Variants in ALK observed in about 807,000 individuals in gnomAD.
The protein encoded by ALK is ALK receptor tyrosine kinase.
Under a neutral mutation model 163.1 loss-of-function variants are expected in ALK, and 74 were observed. That is an observed-to-expected ratio of 0.45 (90% CI 0.38 to 0.55). The LOEUF is 0.55. Ranked by LOEUF, ALK falls within the 20% of genes least tolerant of loss-of-function variation. The pLI is 0.00. For synonymous variants in ALK, 960 were observed against 843.2 expected (o/e 1.14, Z -2.40); for missense variants, 2,063 against 2,105.3 (o/e 0.98, Z 0.39).
At chr2:29,888,562 C>T (rs879480108) in intron 1 of ALK, among the ~76,000 whole-genome samples, 7 of 152,170 alleles carry the variant, frequency 4.6e-5, no homozygotes, top group African/African-American at 9.6e-5. Context: ...CTTCCGAACT[C>T]AGAGGCACAT....
intron 1 of ALK, among the ~76,000 whole-genome samples, chr2:29,732,427 T>C (rs1429040059): frequency 6.6e-6 from 1 of 152,192 alleles, no homozygotes; most frequent in Non-Finnish European, 1.5e-5. Flanking sequence ...GTTCCAGCCA[T>C]GGCTTCCTCA....
intron 3 of ALK, among the ~76,000 whole-genome samples, chr2:29,595,078 T>C (rs1326471183): frequency 6.6e-6 from 1 of 152,052 alleles, no homozygotes; most frequent in African/African-American, 2.4e-5. Context: ...AAATCAATCC[T>C]CCTCCCAGAT....
chr2:29,452,734 C>T (rs758522361), intron 4 of ALK, among the ~76,000 whole-genome samples: 13 of 152,264 alleles, frequency 8.5e-5, no homozygotes, highest in Admixed American at 4.6e-4. Flanking sequence ...GTGTAACCGA[C>T]GACTAACATC....
chr2:29,657,371 C>T (rs904326538), intron 3 of ALK, among the ~76,000 whole-genome samples: 4 of 152,124 alleles, frequency 2.6e-5, no homozygotes, highest in African/African-American at 4.8e-5. Flanking sequence ...TGAACCTCCA[C>T]GAGCTCATCT....
rs769685640 is a variant in ALK at position 29,889,515 on chromosome 2, G to GGATAGATA, written c.667+30470_667+30477dup. 2.1e-3 allele frequency among the ~76,000 whole-genome samples: 323 copies of GGATAGATA among 151,710 alleles called. 2 individuals are homozygous for GGATAGATA. Among genetic ancestry groups the GGATAGATA allele is most frequent in the African/African-American group, 7.1e-3 (294 of 41,324 alleles). ...TCCTTTAAATAATAGATGGATGGATGGATAGATAGATAGATAGATAGATAG... is the reference window on the plus strand; with the variant it reads ...TCCTTTAAATAATAGATGGATGGATGGATAGATAGATAGATAGATAGATAGATAGATAG... On this transcript the variant is annotated intron_variant, in intron 1 of 28. Coordinates refer to ENST00000389048, the MANE Select transcript of ALK (RefSeq NM_004304.5).
At chr2:29,480,543 G>A (rs755369057) in intron 4 of ALK, among the ~76,000 whole-genome samples, 22 of 152,248 alleles carry the variant, frequency 1.4e-4, no homozygotes, top group Non-Finnish European at 2.5e-4. Context: ...CTAGGTGATT[G>A]TCTGTTATAT....
chr2:29,220,861 A>C (rs1382555465), intron 22 of ALK, 26 bp from the exon 23 acceptor site: 1 of 1,613,652 alleles, frequency 6.2e-7, no homozygotes, highest in Admixed American at 1.7e-5. Flanking sequence ...GGATGTAACC[A>C]AAATTAACTG....
At chr2:29,626,606 C>T (rs1051322952) in intron 3 of ALK, among the ~76,000 whole-genome samples, 5 of 152,206 alleles carry the variant, frequency 3.3e-5, no homozygotes, top group South Asian at 2.1e-4. Context: ...ATGGGATTTG[C>T]GTCCTGTAAT....
intron 1 of ALK, among the ~76,000 whole-genome samples, chr2:29,780,230 T>G (rs979893208): frequency 6.6e-6 from 1 of 152,220 alleles, no homozygotes; most frequent in Non-Finnish European, 1.5e-5. Flanking sequence ...GGTGCCTGCC[T>G]CATCTTCCGA....
chr2:29,876,735 GTGATGGTAATGA>G (rs1353643258), intron 1 of ALK, among the ~76,000 whole-genome samples: 2 of 150,130 alleles, frequency 1.3e-5, no homozygotes, highest in Non-Finnish European at 3.0e-5. Context: ...GATGATGGTG[GTGATGGTAATGA>G]TGATGGTGGT....
chr2:29,561,662 T>C (rs533998293), intron 3 of ALK, among the ~76,000 whole-genome samples: 1 of 152,302 alleles, frequency 6.6e-6, no homozygotes, highest in East Asian at 1.9e-4. Context: ...ACTAAAACCA[T>C]CTAGGAGGAT....
chr2:29,325,083 C>G (rs955265797), intron 6 of ALK, among the ~76,000 whole-genome samples: 1 of 152,116 alleles, frequency 6.6e-6, no homozygotes, highest in African/African-American at 2.4e-5. Flanking sequence ...TTGAGGCTGG[C>G]TTTTGGTAGG....
intron 9 of ALK, among the ~76,000 whole-genome samples, chr2:29,280,124 T>C (rs1287616325): frequency 6.6e-6 from 1 of 152,136 alleles, no homozygotes; most frequent in Non-Finnish European, 1.5e-5. Flanking sequence ...GTGGGAAAGT[T>C]CTATCATGTA....
chr2:29,513,231 A>G (rs1672572528), intron 4 of ALK, among the ~76,000 whole-genome samples: 2 of 137,086 alleles, frequency 1.5e-5, no homozygotes, highest in African/African-American at 5.8e-5. Context: ...GAGGCATCAC[A>G]CTACCTGACT....
intron 1 of ALK, among the ~76,000 whole-genome samples, chr2:29,751,754 C>G (rs920974432): frequency 4.6e-5 from 7 of 152,134 alleles, no homozygotes; most frequent in Admixed American, 3.9e-4. Context: ...ACAGTAGAAG[C>G]AAAGCAAGTG....
At chr2:29,415,817 A>G (rs1279873187) in intron 4 of ALK, among the ~76,000 whole-genome samples, 1 of 152,202 alleles carries the variant, frequency 6.6e-6, no homozygotes, top group African/African-American at 2.4e-5. Flanking sequence ...GGAAGATCAC[A>G]TTCTCCTTCT....
At chr2:29,569,588 A>G (rs900427529) in intron 3 of ALK, among the ~76,000 whole-genome samples, 1 of 151,872 alleles carries the variant, frequency 6.6e-6, no homozygotes, top group Admixed American at 6.6e-5. Context: ...AGGTCCAGAG[A>G]CAGTGTCTCC....
intron 1 of ALK, among the ~76,000 whole-genome samples, chr2:29,741,506 T>C (rs542407437): frequency 6.6e-6 from 1 of 152,260 alleles, no homozygotes; most frequent in South Asian, 2.1e-4. Context: ...TAAAATAAAA[T>C]AAATTTATAT....
At chr2:29,242,869 T>C (rs1308628709) in intron 12 of ALK, among the ~76,000 whole-genome samples, 2 of 152,196 alleles carry the variant, frequency 1.3e-5, no homozygotes, top group Non-Finnish European at 2.9e-5. Context: ...GTGGCTGGGT[T>C]GTACTTTCCT....
Sources: gnomAD v4.1 joint callset for allele counts (sites outside exome capture counted in the v4.1 genomes callset) on GRCh38, gnomAD v4.1.1 for gene constraint, MANE v1.5 for transcripts, NCBI Gene and HGNC (gene_info 2026-07-23, HGNC 2026-07-21) for gene names.